Variants in CAMKMT observed in about 807,000 individuals in gnomAD.
The protein encoded by CAMKMT is CaM KMT.
A neutral mutation model predicts 48.0 loss-of-function variants in CAMKMT; 53 were observed. That is an observed-to-expected ratio of 1.10 (90% confidence interval 0.89 to 1.39). The LOEUF (loss-of-function observed/expected upper bound fraction) is 1.39. CAMKMT is among the 40% of genes most tolerant of loss of function. The probability of loss-of-function intolerance (pLI) is 0.00; values close to 1 mark genes in which losing one functional copy is unlikely to be tolerated. For missense variants in CAMKMT, 428 were observed against 402.7 expected, an observed-to-expected ratio of 1.06 and a Z score of -0.54; for synonymous variants, 165 against 152.3, an observed-to-expected ratio of 1.08 and a Z score of -0.61.
chr2:44,685,755 A>G (rs1007201336), intron 3 of CAMKMT, among the ~76,000 whole-genome samples: 2 of 152,190 alleles, frequency 1.3e-5, no homozygotes, highest in African/African-American at 4.8e-5. Flanking sequence ...CTGTGATATG[A>G]AAGTATTAAT....
At chr2:44,571,116 C>G (rs1668876539) in intron 3 of CAMKMT, among the ~76,000 whole-genome samples, 1 of 152,064 alleles carries the variant, frequency 6.6e-6, no homozygotes, top group South Asian at 2.1e-4. Context: ...TTAATGCAGT[C>G]TTTTTGTTTT....
chr2:44,642,687 T>G (rs1673512650), intron 3 of CAMKMT, among the ~76,000 whole-genome samples: 1 of 152,008 alleles, frequency 6.6e-6, no homozygotes, highest in South Asian at 2.1e-4. Context: ...GCAAGCCTGG[T>G]GAACATGTCT....
intron 3 of CAMKMT, among the ~76,000 whole-genome samples, chr2:44,591,382 A>G (rs1670260365): frequency 1.3e-5 from 2 of 152,138 alleles, no homozygotes; most frequent in African/African-American, 2.4e-5. Flanking sequence ...CTTCCTACCC[A>G]TGAGCATGGA....
chr2:44,527,787 C>T (rs979000359), intron 3 of CAMKMT, among the ~76,000 whole-genome samples: 38 of 101,444 alleles, frequency 3.7e-4, no homozygotes, highest in African/African-American at 1.3e-3. Context: ...TGTGTACAGC[C>T]CCCCCCCCCA....
intron 3 of CAMKMT, among the ~76,000 whole-genome samples, chr2:44,493,516 T>C (rs979050671): frequency 6.6e-6 from 1 of 152,228 alleles, no homozygotes; most frequent in Non-Finnish European, 1.5e-5. Context: ...CTATTGATGG[T>C]TTAAAAAATT....
chr2:44,690,687 T>A (rs1352513426), intron 3 of CAMKMT, among the ~76,000 whole-genome samples: 1 of 152,102 alleles, frequency 6.6e-6, no homozygotes, highest in Non-Finnish European at 1.5e-5. Flanking sequence ...CCACTGCCAA[T>A]AATAATAGCT....
In CAMKMT at chr2:44,362,134, C is replaced by G; in HGVS notation, c.127C>G (p.Leu43Val). 1.0e-5 allele frequency: 15 copies of G among 1,478,038 alleles called. No homozygotes were observed. The highest frequency in any genetic ancestry group is 1.3e-5 in the Non-Finnish European group (15 of 1,125,820). The allele number at this position is 1,478,038 out of a possible 1,614,324, so 91.6% of individuals were successfully genotyped here. A position where few individuals can be genotyped will look rare whatever the true frequency, so the allele number is the denominator to read the frequency against. Residue 43 changes from leucine to valine, a missense_variant, in exon 1 of 11, where the codon CTC becomes GTC. Transcript: ENST00000378494. ...SAPLGAARWK[L>V]LRQVLKQKHL... ...GCCCCTGGGAGCCGCCCGGTGGAAG[C>G]TCCTGCGGCAGGTAAGGGAGAACCT... is the stretch of plus-strand genomic sequence containing the variant.
intron 3 of CAMKMT, among the ~76,000 whole-genome samples, chr2:44,555,710 A>G (rs996097904): frequency 1.1e-4 from 16 of 152,172 alleles, no homozygotes; most frequent in Admixed American, 5.9e-4. Context: ...TAATTTGAGG[A>G]CTGGGTATAT....
chr2:44,385,441 A>G (rs1680692983), intron 2 of CAMKMT, among the ~76,000 whole-genome samples: 1 of 152,068 alleles, frequency 6.6e-6, no homozygotes, highest in Non-Finnish European at 1.5e-5. Context: ...TGACAGTTTG[A>G]CTTCCTCTTT....
At chr2:44,604,638 G>A (rs904341496) in intron 3 of CAMKMT, among the ~76,000 whole-genome samples, 2 of 149,884 alleles carry the variant, frequency 1.3e-5, no homozygotes, top group Admixed American at 1.3e-4. Flanking sequence ...TAGTTACAAT[G>A]AGATTCTGAA....
At chr2:44,687,532 G>T (rs1046118801) in intron 3 of CAMKMT, among the ~76,000 whole-genome samples, 2 of 152,170 alleles carry the variant, frequency 1.3e-5, no homozygotes, top group Non-Finnish European at 2.9e-5. Flanking sequence ...CCTTGTTTTA[G>T]GGTGGCCTCA....
chr2:44,621,779 A>G (rs1672210356), intron 3 of CAMKMT, among the ~76,000 whole-genome samples: 1 of 152,246 alleles, frequency 6.6e-6, no homozygotes, highest in Non-Finnish European at 1.5e-5. Context: ...AAGGAATAGC[A>G]TGATCTAATT....
chr2:44,455,731 T>G (rs781616430), intron 3 of CAMKMT, among the ~76,000 whole-genome samples: 1 of 152,210 alleles, frequency 6.6e-6, no homozygotes, highest in Non-Finnish European at 1.5e-5. Context: ...CCAGGGTTAG[T>G]ATAAGGATCA....
chr2:44,456,541 C>G, intron 3 of CAMKMT: 13 of 1,548,864 alleles, frequency 8.4e-6, no homozygotes, highest in Non-Finnish European at 1.1e-5. Flanking sequence ...TTTACCTTTT[C>G]TATACATGTC....
intron 3 of CAMKMT, among the ~76,000 whole-genome samples, chr2:44,564,426 C>T (rs1360240143): frequency 4.6e-5 from 7 of 152,130 alleles, no homozygotes; most frequent in Non-Finnish European, 7.4e-5. Flanking sequence ...CCACCTGCCT[C>T]GGCCTCCCAA....
chr2:44,439,373 G>A (rs1274219289), intron 3 of CAMKMT, among the ~76,000 whole-genome samples: 2 of 151,836 alleles, frequency 1.3e-5, no homozygotes, highest in Admixed American at 6.6e-5. Flanking sequence ...CAAACATGTA[G>A]TACTTCCCTT....
At chr2:44,755,770 G>A (rs1489117796) in intron 9 of CAMKMT, among the ~76,000 whole-genome samples, 1 of 152,152 alleles carries the variant, frequency 6.6e-6, no homozygotes, top group Non-Finnish European at 1.5e-5. Context: ...ACACGCAGCA[G>A]CCCCCTCTGA....
intron 3 of CAMKMT, chr2:44,631,360 C>T (rs916742588): frequency 8.3e-6 from 3 of 362,860 alleles, no homozygotes; most frequent in Non-Finnish European, 1.4e-5. Flanking sequence ...AACTAACCTG[C>T]ACGTTGTGCA....
At chr2:44,693,168 T>C (rs1676756702) in intron 3 of CAMKMT, among the ~76,000 whole-genome samples, 1 of 152,318 alleles carries the variant, frequency 6.6e-6, no homozygotes, top group African/African-American at 2.4e-5. Flanking sequence ...TCCTGCCTAG[T>C]TTCTCCCTGC....
Sources: gnomAD v4.1 joint callset for allele counts (sites outside exome capture counted in the v4.1 genomes callset) on GRCh38, gnomAD v4.1.1 for gene constraint, MANE v1.5 for transcripts, NCBI Gene and HGNC (gene_info 2026-07-23, HGNC 2026-07-21) for gene names.